Variants in ALG13 observed in about 807,000 individuals in gnomAD.
ALG13 encodes the protein UDP-N-acetylglucosamine transferase subunit ALG13.
ALG13 carries 11 observed loss-of-function variants against 87.8 expected under a neutral mutation model. The ratio of observed to expected loss-of-function variants is 0.13; its 90% confidence interval spans 0.08 to 0.21. The LOEUF (loss-of-function observed/expected upper bound fraction) is 0.21, where lower values mean the gene tolerates loss of function less well. Ranked by LOEUF, ALG13 falls within the 10% of genes least tolerant of loss-of-function variation. The pLI, the probability that ALG13 is intolerant of heterozygous loss-of-function variation, is 1.00. For missense variants in ALG13, 756 were observed against 866.1 expected (o/e 0.87, Z 1.60); for synonymous variants, 320 against 306.3 (o/e 1.04, Z -0.47).
In ALG13 at chrX:111,744,703, A is replaced by C; in HGVS notation, c.2731A>C (p.Ile911Leu). 8.5e-7 allele frequency: 1 copy of C among 1,177,561 alleles called. No homozygotes were observed. Among genetic ancestry groups the C allele is most frequent in the Non-Finnish European group, 1.1e-6 (1 of 881,046 alleles). ...ACCATCCTATCCATGCCATTCTGCT[A>C]TTCCTCATGCTGGTGCCTCTCTACC... ...ASPSYPCHSA[I>L]PHAGASLPPP... The change falls in exon 24 of 27, where the codon ATT becomes CTT. Residue 911 changes from isoleucine (I) to leucine (L), a missense_variant. This residue lies in a region of ALG13 where 362 missense variants were observed against 383.5 expected (regional missense o/e 0.94). Coordinates refer to ENST00000394780, the MANE Select transcript of ALG13 (RefSeq NM_001099922.3).
chrX:111,741,432 GTATT>G (rs1301535425), intron 23 of ALG13, among the ~76,000 whole-genome samples: 2 of 112,198 alleles, frequency 1.8e-5, no homozygotes, highest in African/African-American at 6.5e-5. Flanking sequence ...GGAGGGAAAA[GTATT>G]TATAGGCATG....
In ALG13 at chrX:111,708,014, C is replaced by G; in HGVS notation, c.384-13C>G. On this transcript the variant is annotated splice_polypyrimidine_tract_variant and intron_variant, in intron 3 of 26. Transcript: ENST00000394780. The stretch of plus-strand genomic sequence containing the variant: ...ATTCCTAGGAGGATTGGCTCTTCCT[C>G]TTCTTTTCACAGGGTCCTGACTTGT... 8.4e-7 allele frequency: 1 copy of G among 1,193,482 alleles called. No homozygotes were observed. The highest frequency in any genetic ancestry group is 1.1e-6 in the Non-Finnish European group (1 of 885,333).
intron 5 of ALG13, among the ~76,000 whole-genome samples, chrX:111,710,157 G>A (rs1481750399): frequency 9.1e-6 from 1 of 109,652 alleles, no homozygotes; most frequent in Admixed American, 9.7e-5. Flanking sequence ...AGCCTCCAAA[G>A]TAACTTGGGA....
intron 3 of ALG13, among the ~76,000 whole-genome samples, chrX:111,698,695 G>A (rs189555393): frequency 1.4e-4 from 16 of 111,589 alleles, no homozygotes; most frequent in South Asian, 3.7e-4. Flanking sequence ...ACAGAATTTC[G>A]TTTTTCTAAA....
chrX:111,694,354 C>T (rs1465029537), intron 3 of ALG13, among the ~76,000 whole-genome samples: 3 of 112,050 alleles, frequency 2.7e-5, no homozygotes, highest in Non-Finnish European at 3.8e-5. Context: ...CAGTAATTCC[C>T]AGTTTTTATA....
chrX:111,722,215 A>G (rs1941473165), intron 12 of ALG13, among the ~76,000 whole-genome samples: 1 of 112,308 alleles, frequency 8.9e-6, no homozygotes, highest in Non-Finnish European at 1.9e-5. Flanking sequence ...GAGTTTGAGT[A>G]GTTCTGAGAG....
Position 111,708,327 on chromosome X carries a change from C to T in ALG13, c.684C>T (p.Ser228=). 5.0e-6 allele frequency: 6 copies of T among 1,211,712 alleles called. No individual in the cohort carries two copies. Among genetic ancestry groups the T allele is most frequent in the Non-Finnish European group, 6.7e-6 (6 of 895,365 alleles). ...NEASMDEYLG[S]LGLFRKLTAK... is the part of the protein sequence containing the mutation. The stretch of plus-strand genomic sequence containing the variant: ...CATCAATGGATGAATATTTAGGCAG[C>T]TTAGGGCTGTTTCGAAAGCTGACTG... The change falls in exon 4 of 27, where the codon AGC becomes AGT. Residue 228 remains serine (S), a synonymous_variant. Coordinates refer to ENST00000394780, the MANE Select transcript of ALG13 (RefSeq NM_001099922.3).
At chrX:111,727,151 C>T (rs1010511602) in intron 16 of ALG13, 96 bp downstream of exon 16, 1 of 1,030,767 alleles carries the variant, frequency 9.7e-7, no homozygotes, top group African/African-American at 1.9e-5. Context: ...ATGAGGGTCT[C>T]TGTGACATAC....
intron 19 of ALG13, among the ~76,000 whole-genome samples, chrX:111,728,510 T>C (rs1477500081): frequency 8.9e-6 from 1 of 111,749 alleles, no homozygotes; most frequent in Non-Finnish European, 1.9e-5. Flanking sequence ...TTCATTAGGC[T>C]GCTACATTGT....
intron 25 of ALG13, among the ~76,000 whole-genome samples, chrX:111,753,906 CTTTCTAACTCA>C (rs1320828080): frequency 2.7e-5 from 3 of 111,851 alleles, no homozygotes; most frequent in African/African-American, 9.8e-5. Context: ...AGAGGAACTC[CTTTCTAACTCA>C]TTTTATGAAG....
intron 10 of ALG13, among the ~76,000 whole-genome samples, chrX:111,718,540 A>G (rs919459770): frequency 9.0e-6 from 1 of 111,624 alleles, no homozygotes; most frequent in African/African-American, 3.3e-5. Flanking sequence ...CTCAAACTTT[A>G]GTTGTATAAG....
At chrX:111,705,688 C>T (rs957915458) in intron 3 of ALG13, among the ~76,000 whole-genome samples, 4 of 111,617 alleles carry the variant, frequency 3.6e-5, no homozygotes, top group African/African-American at 1.3e-4. Context: ...ATTGTTCTGG[C>T]ACCACTTGAT....
At chrX:111,693,007 C>T (rs1213269284) in intron 3 of ALG13, among the ~76,000 whole-genome samples, 1 of 110,745 alleles carries the variant, frequency 9.0e-6, no homozygotes, top group East Asian at 2.9e-4. Flanking sequence ...TCTTGAACTC[C>T]TGGGCTCAAG....
intron 3 of ALG13, among the ~76,000 whole-genome samples, chrX:111,703,538 A>AC (rs1242472967): frequency 9.0e-6 from 1 of 111,535 alleles, no homozygotes; most frequent in East Asian, 2.8e-4. Context: ...CAGCCCTTCA[A>AC]CCCTAACTAC....
intron 3 of ALG13, among the ~76,000 whole-genome samples, chrX:111,706,086 G>A (rs754976591): frequency 2.8e-5 from 3 of 107,674 alleles, no homozygotes; most frequent in South Asian, 4.0e-4. Flanking sequence ...ACGGAGTCTC[G>A]CTCTGTTGCC....
intron 3 of ALG13, among the ~76,000 whole-genome samples, chrX:111,707,344 T>C (rs1284759829): frequency 8.9e-6 from 1 of 112,598 alleles, no homozygotes; most frequent in Non-Finnish European, 1.9e-5. Flanking sequence ...ATTTTTCTTT[T>C]TTATTGGTGC....
At chrX:111,724,299 C>T (rs768064265) in intron 14 of ALG13, among the ~76,000 whole-genome samples, 1 of 111,844 alleles carries the variant, frequency 8.9e-6, no homozygotes, top group South Asian at 3.8e-4. Context: ...TTAGTGAGCC[C>T]AGTCTCTAAA....
At chrX:111,742,421 G>A (rs1943831110) in intron 23 of ALG13, among the ~76,000 whole-genome samples, 1 of 105,082 alleles carries the variant, frequency 9.5e-6, no homozygotes, top group African/African-American at 3.5e-5. Context: ...GTCCCTGAGT[G>A]CAAAATTTAA....
chrX:111,721,557 G>A (rs1569518190), intron 11 of ALG13, 46 bp from the exon 12 acceptor site: 1 of 731,451 alleles, frequency 1.4e-6, no homozygotes, highest in Non-Finnish European at 2.1e-6. Flanking sequence ...TTCATAGAAG[G>A]AAGACTAAGG....
Sources: gnomAD v4.1 joint callset for allele counts (sites outside exome capture counted in the v4.1 genomes callset) on GRCh38, gnomAD v4.1.1 for gene constraint, gnomAD v4.1.1 regional missense constraint, MANE v1.5 for transcripts, NCBI Gene and HGNC (gene_info 2026-07-23, HGNC 2026-07-21) for gene names.